The following AKAP8 variants were observed in gnomAD, a reference collection of about 807,000 sequenced individuals.
AKAP8 encodes A-kinase anchor protein 8.
In AKAP8, 24 loss-of-function variants were observed where a neutral mutation model predicts 67.5. That is an observed-to-expected ratio of 0.36 (90% CI 0.26 to 0.50). The LOEUF is 0.50. Among genes scored for constraint, AKAP8 ranks in the 20% least tolerant of loss-of-function variants. The pLI, the probability that AKAP8 is intolerant of heterozygous loss-of-function variation, is 0.97. For synonymous variants in AKAP8, 400 were observed against 371.1 expected, an observed-to-expected ratio of 1.08 and a Z score of -0.90; for missense variants, 971 against 955.9, an observed-to-expected ratio of 1.02 and a Z score of -0.21.
rs201213080 is a variant in AKAP8 at position 15,372,276 on chromosome 19, G to A, written c.933C>T (p.Tyr311=). The stretch of plus-strand genomic sequence containing the variant: ...GGGCCAGTTTGGTGTCTGGCTCCTC[G>A]TAAAGTTGGAACTGCTTCCGTTTCC... ...TGRKRKQFQL[Y]EEPDTKLARV... is the part of the protein sequence containing the mutation. The change falls in exon 6 of 14, where the codon TAC becomes TAT. Residue 311 remains tyrosine, a synonymous_variant. Coordinates refer to ENST00000269701, the MANE Select transcript of AKAP8 (RefSeq NM_005858.4). The A allele has an allele frequency of 2.6e-5, 42 of 1,614,032 alleles. No homozygotes were observed. The South Asian group carries it at 3.2e-4, about 12-fold the overall frequency.
chr19:15,371,491 C>CTTT (rs969928262), intron 7 of AKAP8, among the ~76,000 whole-genome samples: 1 of 144,102 alleles, frequency 6.9e-6, no homozygotes, highest in Non-Finnish European at 1.5e-5. Context: ...AAGTTGAAAA[C>CTTT]TTTTTTTTTT....
chr19:15,365,118 G>A (rs1022338534), intron 9 of AKAP8, among the ~76,000 whole-genome samples: 3 of 152,208 alleles, frequency 2.0e-5, no homozygotes, highest in African/African-American at 7.2e-5. Flanking sequence ...GCAACTGCTT[G>A]GAACTGGGGA....
At chr19:15,379,611 C>A in intron 1 of AKAP8, 102 bp downstream of exon 1, 1 of 1,413,788 alleles carries the variant, frequency 7.1e-7, no homozygotes. Flanking sequence ...CTGGGGCAAC[C>A]ACGCTCGGGA....
chr19:15,363,416 C>T (rs1967011396), intron 9 of AKAP8, among the ~76,000 whole-genome samples: 1 of 149,654 alleles, frequency 6.7e-6, no homozygotes, highest in Non-Finnish European at 1.5e-5. Context: ...GCGCCTCTGC[C>T]CGGCCGCCCC....
rs2048260818 is a variant in AKAP8, at chr19:15,353,946, ATT to A, written c.*967_*968del. On this transcript the variant is annotated 3_prime_UTR_variant, in exon 14 of 14. Transcript: ENST00000269701. ...TTTCATTTTATATATATATATATAT[ATT>A]ACAGATACCTTCTATCTATGGCAAT... 1 of 139,198 alleles carries A rather than the reference ATT, an allele frequency of 7.2e-6. No homozygotes were observed. Among genetic ancestry groups the A allele is most frequent in the Non-Finnish European group, 1.6e-5 (1 of 63,770 alleles). 8.6% of individuals were successfully genotyped at this position (139,198 alleles called of 1,614,324 possible).
intron 5 of AKAP8, 41 bp downstream of exon 5, chr19:15,372,808 AAG>A (rs746389380): frequency 6.8e-7 from 1 of 1,477,938 alleles, no homozygotes; most frequent in Admixed American, 2.6e-5. Flanking sequence ...AGCTGCTAAA[AAG>A]AGAAGCGAAG....
In AKAP8 at chr19:15,366,418, T is replaced by C. The variant is rs8105264; in HGVS notation, c.1160+1817A>G. 9.5e-3 allele frequency among the ~76,000 whole-genome samples: 1,444 copies of C among 152,244 alleles called. 23 individuals are homozygous for C. The highest frequency in any genetic ancestry group is 0.033 in the African/African-American group (1,363 of 41,550). On this transcript the variant is annotated intron_variant, in intron 9 of 13. Coordinates refer to ENST00000269701, the MANE Select transcript of AKAP8 (RefSeq NM_005858.4). ...AATAACAAGGGTTTCAATGTTCCTG[T>C]ACCACTTAAGAAGAAACAGTTCTGC...
chr19:15,376,585 C>A (rs1256614550), intron 2 of AKAP8, among the ~76,000 whole-genome samples: 3 of 152,126 alleles, frequency 2.0e-5, no homozygotes, highest in African/African-American at 7.2e-5. Flanking sequence ...TATGAAACTC[C>A]ACTACTCAAT....
At chr19:15,376,735 T>C (rs1967259410) in intron 2 of AKAP8, among the ~76,000 whole-genome samples, 1 of 152,224 alleles carries the variant, frequency 6.6e-6, no homozygotes, top group South Asian at 2.1e-4. Flanking sequence ...CTTCAAATTG[T>C]ATTGTCTGTA....
Position 15,374,065 on chromosome 19 carries a change from C to A in AKAP8, c.92G>T (p.Gly31Val). 1 of 1,549,840 alleles carries A rather than the reference C, an allele frequency of 6.5e-7. No individual in the cohort carries two copies. Among genetic ancestry groups the A allele is most frequent in the Non-Finnish European group, 8.7e-7 (1 of 1,150,812 alleles). ...AYGTGVASWQ[G>V]YENYNYYGAQ... ...GCCATAGTAATTGTAGTTTTCATAACCTGTCACAGGGGGAGGAGCCAAGTC... is the reference window on the plus strand; with the variant it reads ...GCCATAGTAATTGTAGTTTTCATAAACTGTCACAGGGGGAGGAGCCAAGTC... Residue 31 changes from glycine to valine, a missense_variant and splice_region_variant, in exon 4 of 14, where the codon GGT (glycine) becomes GTT (valine). Physicochemically the swap from Gly to Val is moderately radical, Grantham distance 109. This residue lies in a region of AKAP8 where 763 missense variants were observed against 745.4 expected (regional missense o/e 1.02). Transcript: ENST00000269701.
chr19:15,362,305 C>T, intron 9 of AKAP8, 54 bp from the exon 10 acceptor site: 2 of 1,596,504 alleles, frequency 1.3e-6, no homozygotes, highest in South Asian at 1.1e-5. Flanking sequence ...GCGAGTGAAG[C>T]AGGGGGCATC....
At chr19:15,363,584 G>T (rs1967016995) in intron 9 of AKAP8, among the ~76,000 whole-genome samples, 1 of 151,160 alleles carries the variant, frequency 6.6e-6, no homozygotes, top group Non-Finnish European at 1.5e-5. Context: ...GAGGTGAGGG[G>T]CGCCTCTGCC....
At chr19:15,373,466 T>C (rs1036594184) in intron 4 of AKAP8, 126 bp from the exon 5 acceptor site, 17 of 1,397,934 alleles carry the variant, frequency 1.2e-5, no homozygotes, top group Non-Finnish European at 1.4e-5. Flanking sequence ...CCCACCTAAG[T>C]GCTGGGATGA....
chr19:15,359,195 AG>A, intron 12 of AKAP8, 133 bp from the exon 13 acceptor site: 1 of 757,498 alleles, frequency 1.3e-6, no homozygotes, highest in South Asian at 1.7e-5. Flanking sequence ...CCAGCCTCCA[AG>A]AATAGAAGGC....
chr19:15,373,355 C>A lies in AKAP8; in HGVS notation c.372-15G>T. 1 of 1,593,266 alleles carries A rather than the reference C, an allele frequency of 6.3e-7. No individual in the cohort carries two copies. Among genetic ancestry groups the A allele is most frequent in the Non-Finnish European group, 8.6e-7 (1 of 1,169,180 alleles). On this transcript the variant is annotated splice_polypyrimidine_tract_variant and intron_variant, in intron 4 of 13. Coordinates refer to ENST00000269701, the MANE Select transcript of AKAP8 (RefSeq NM_005858.4). ...AGCGGAAGGAGCTGCAACAGAAGCA[C>A]AGCCCATCAGGGGCGGTCACCCCGA...
chr19:15,368,640 C>T (rs1371093517), intron 8 of AKAP8: 2 of 985,172 alleles, frequency 2.0e-6, no homozygotes, highest in Non-Finnish European at 2.4e-6. Context: ...CTTGTCCAAT[C>T]TCATGCCCTG....
intron 13 of AKAP8, among the ~76,000 whole-genome samples, 191 bp from the exon 14 acceptor site, chr19:15,355,561 A>AT (rs34848051): frequency 1.8e-3 from 268 of 147,284 alleles, no homozygotes; most frequent in African/African-American, 4.6e-3. Context: ...ATATTCTGCA[A>AT]TTTTTTTTTT....
rs765325976 is a variant in AKAP8, at chr19:15,370,183, G to GA, written c.1039-5dup. The GA allele has an allele frequency of 1.9e-6, 3 of 1,613,954 alleles. No homozygotes were observed. Among genetic ancestry groups the GA allele is most frequent in the African/African-American group, 1.3e-5 (1 of 74,910 alleles). The stretch of plus-strand genomic sequence containing the variant: ...CAGAGTCGCAGAGTTCATCCTCCTG[G>GA]AAAAGAGTATACACAAAGTCCGGCA... On this transcript the variant is annotated splice_region_variant and splice_polypyrimidine_tract_variant and intron_variant, in intron 7 of 13. Transcript: ENST00000269701.
At chr19:15,368,418 CCT>C (rs945273879) in intron 8 of AKAP8, 96 bp from the exon 9 acceptor site, 339 of 1,594,264 alleles carry the variant, frequency 2.1e-4, no homozygotes, top group Non-Finnish European at 2.6e-4. Flanking sequence ...GCCACCGCAC[CCT>C]GTGCCCTGCC....
Sources: allele counts gnomAD v4.1 joint callset (sites outside exome capture counted in the v4.1 genomes callset), GRCh38; gene constraint gnomAD v4.1.1; regional missense constraint gnomAD v4.1.1; transcripts MANE v1.5; gene names NCBI Gene and HGNC (gene_info 2026-07-23, HGNC 2026-07-21).